The following SLA variants were observed in gnomAD, a reference collection of about 807,000 sequenced individuals.
SLA encodes the protein src-like-adapter.
Under a neutral mutation model 30.3 loss-of-function variants are expected in SLA, and 16 were observed. The ratio of observed to expected loss-of-function variants is 0.53; its 90% CI spans 0.36 to 0.80. The LOEUF (loss-of-function observed/expected upper bound fraction) is 0.80. Ranked by LOEUF, SLA falls within the 30% of genes least tolerant of loss-of-function variation. SLA has a pLI of 0.01. For synonymous variants in SLA, 143 were observed against 137.8 expected (o/e 1.04, Z -0.26); for missense variants, 310 against 345.2 (o/e 0.90, Z 0.81).
rs537900935 is a variant in SLA at position 133,090,872 on chromosome 8, G to A, written c.-319+11681C>T. Among the ~76,000 whole-genome samples the A allele has an allele frequency of 2.0e-4, 30 of 152,138 alleles. 1 individual carries two copies. Among genetic ancestry groups the A allele is most frequent in the South Asian group, 1.0e-3 (5 of 4,826 alleles). ...TTTTACTTTGCTTTGGCCTCACCCC[G>A]CACCCCCCGGGAACAGAAAGGAACT... On this transcript the variant is annotated intron_variant, in intron 1 of 8. Transcript: ENST00000338087.
chr8:133,038,368 T>C lies in SLA; in HGVS notation c.*156A>G. On this transcript the variant is annotated 3_prime_UTR_variant, in exon 9 of 9. Transcript: ENST00000338087. ...GGGGTTCCTTTGGTCATGATGTGGA[T>C]AGAGAAGATGCGAATTTGAGTCTCC... 4.7e-6 allele frequency: 3 copies of C among 643,424 alleles called. No homozygotes were observed. In the South Asian group the frequency reaches 5.6e-5, roughly 12 times the overall value. 39.9% of individuals were successfully genotyped at this position (643,424 alleles called of 1,614,324 possible). A position where few individuals can be genotyped will look rare whatever the true frequency, so the allele number is the denominator to read the frequency against.
At chr8:133,050,955 TTTTA>T (rs374513177) in intron 3 of SLA, 40 bp from the exon 4 acceptor site, 7 of 1,218,478 alleles carry the variant, frequency 5.7e-6, no homozygotes, top group African/African-American at 4.5e-5. Context: ...GCAAGGTGCT[TTTTA>T]TTCACAAGGA....
intron 2 of SLA, chr8:133,060,409 A>T: frequency 6.7e-7 from 1 of 1,503,488 alleles, no homozygotes; most frequent in South Asian, 1.3e-5. Flanking sequence ...GAAAAACCAC[A>T]GAGAGGGAAG....
At chr8:133,095,836 G>A (rs1056576019) in intron 1 of SLA, among the ~76,000 whole-genome samples, 1 of 152,218 alleles carries the variant, frequency 6.6e-6, no homozygotes, top group Non-Finnish European at 1.5e-5. Flanking sequence ...CCTAAGTGCA[G>A]GCTAATTTGA....
At chr8:133,040,583 A>G (rs1375045475) in intron 7 of SLA, among the ~76,000 whole-genome samples, 1 of 152,178 alleles carries the variant, frequency 6.6e-6, no homozygotes, top group Non-Finnish European at 1.5e-5. Flanking sequence ...GGCTGCATAC[A>G]GCGCTGATCC....
chr8:133,095,772 C>T (rs777173226), intron 1 of SLA, among the ~76,000 whole-genome samples: 2 of 152,220 alleles, frequency 1.3e-5, no homozygotes, highest in Non-Finnish European at 2.9e-5. Context: ...GGCCTGATCG[C>T]CTTAGCAATG....
chr8:133,096,378 G>A (rs777121511), intron 1 of SLA: 1 of 1,614,196 alleles, frequency 6.2e-7, no homozygotes, highest in South Asian at 1.1e-5. Flanking sequence ...GTGAAGGTAA[G>A]CAGGGAGGGG....
At chr8:133,046,797 C>T (rs767792986) in intron 6 of SLA, among the ~76,000 whole-genome samples, 5 of 152,116 alleles carry the variant, frequency 3.3e-5, no homozygotes, top group South Asian at 4.1e-4. Flanking sequence ...AAAAGTTGAT[C>T]GCAGATTTTT....
intron 3 of SLA, among the ~76,000 whole-genome samples, chr8:133,051,787 A>G (rs541773335): frequency 6.6e-6 from 1 of 152,330 alleles, no homozygotes; most frequent in East Asian, 1.9e-4. Flanking sequence ...TTTGGGGGAA[A>G]TAACAAGATG....
intron 7 of SLA, among the ~76,000 whole-genome samples, chr8:133,042,487 C>CT (rs374689902): frequency 7.4e-5 from 11 of 148,548 alleles, no homozygotes; most frequent in South Asian, 2.1e-4. Flanking sequence ...TCACATGCAT[C>CT]TTTTTTTTTT....
chr8:133,068,088 G>A (rs1843374814), intron 2 of SLA, among the ~76,000 whole-genome samples: 1 of 152,156 alleles, frequency 6.6e-6, no homozygotes, highest in Non-Finnish European at 1.5e-5. Flanking sequence ...CAATCCTGGG[G>A]CATCATAAAG....
At chr8:133,044,135 C>G (rs1838846477) in intron 7 of SLA, among the ~76,000 whole-genome samples, 1 of 152,196 alleles carries the variant, frequency 6.6e-6, no homozygotes, top group African/African-American at 2.4e-5. Flanking sequence ...GTGAGTGGAT[C>G]TGGGATAGAA....
At chr8:133,061,481 A>C (rs1842362727) in intron 2 of SLA, among the ~76,000 whole-genome samples, 1 of 152,224 alleles carries the variant, frequency 6.6e-6, no homozygotes, top group Non-Finnish European at 1.5e-5. Flanking sequence ...AAAATTTCCA[A>C]GTCTGGACCT....
chr8:133,045,246 A>G, intron 6 of SLA, 131 bp from the exon 7 acceptor site: 1 of 843,440 alleles, frequency 1.2e-6, no homozygotes, highest in Non-Finnish European at 1.9e-6. Context: ...GCTAGGATGC[A>G]GCCCCTCCCT....
Position 133,050,674 on chromosome 8 carries a change from A to G in SLA, c.161+142T>C, listed in dbSNP as rs1047128498. On this transcript the variant is annotated intron_variant, in intron 4 of 8. Transcript: ENST00000338087. ...TGGCCACATTAAAGAGGAAGGTTGC[A>G]GTATGGGTCAAATTTCTCACCTCAT... 2.6e-5 allele frequency: 16 copies of G among 626,946 alleles called. No individual in the cohort carries two copies. In the African/African-American group the frequency reaches 2.9e-4, roughly 11 times the overall value. 38.8% of individuals were successfully genotyped at this position (626,946 alleles called of 1,614,324 possible).
chr8:133,096,192 T>C, intron 1 of SLA: 1 of 1,614,232 alleles, frequency 6.2e-7, no homozygotes, highest in Non-Finnish European at 8.5e-7. Context: ...TGATTATTGT[T>C]GCATCCAATG....
intron 1 of SLA, among the ~76,000 whole-genome samples, chr8:133,098,670 G>A (rs1186238437): frequency 2.0e-5 from 3 of 152,210 alleles, no homozygotes; most frequent in Non-Finnish European, 4.4e-5. Flanking sequence ...AGCCTAGAAA[G>A]GGCTGATGGG....
chr8:133,056,863 A>G (rs766510106), intron 3 of SLA, among the ~76,000 whole-genome samples: 5 of 152,142 alleles, frequency 3.3e-5, no homozygotes, highest in Non-Finnish European at 7.4e-5. Context: ...GTGGTCTGCA[A>G]GCTTTAGGGG....
chr8:133,037,359 C>T lies in SLA; in HGVS notation c.*1165G>A, dbSNP rs1837284422. The T allele has an allele frequency of 6.6e-5, 10 of 152,184 alleles. No individual in the cohort carries two copies. Among genetic ancestry groups the T allele is most frequent in the Admixed American group, 6.5e-4 (10 of 15,284 alleles). 9.4% of individuals were successfully genotyped at this position (152,184 alleles called of 1,614,324 possible). On this transcript the variant is annotated 3_prime_UTR_variant, in exon 9 of 9. Coordinates refer to ENST00000338087, the MANE Select transcript of SLA (RefSeq NM_001045556.3). ...TTTCCTGGAGCTGAGCATTTTTCCT[C>T]ATATGGATGCCAGACCCTTCTTAGA...
Sources: gnomAD v4.1 joint callset for allele counts (sites outside exome capture counted in the v4.1 genomes callset) on GRCh38, gnomAD v4.1.1 for gene constraint, MANE v1.5 for transcripts, NCBI Gene and HGNC (gene_info 2026-07-23, HGNC 2026-07-21) for gene names.